SLC22A15: variants seen among roughly 807,000 people sequenced by gnomAD.
SLC22A15 encodes the protein solute carrier family 22 member 15.
SLC22A15 carries 45 observed loss-of-function variants against 62.7 expected under a neutral mutation model. That is an observed-to-expected ratio of 0.72 (90% CI 0.56 to 0.92). SLC22A15 has a LOEUF of 0.92. Ranked by LOEUF, SLC22A15 falls within the 40% of genes least tolerant of loss-of-function variation. The pLI, the probability that SLC22A15 is intolerant of heterozygous loss-of-function variation, is 0.00. For synonymous variants in SLC22A15, 264 were observed against 267.0 expected, an observed-to-expected ratio of 0.99 and a Z score of 0.11; for missense variants, 622 against 665.6, an observed-to-expected ratio of 0.93 and a Z score of 0.72.
chr1:116,023,851 A>T (rs1016670658), intron 4 of SLC22A15, among the ~76,000 whole-genome samples: 2 of 152,110 alleles, frequency 1.3e-5, no homozygotes, highest in African/African-American at 4.8e-5. Flanking sequence ...TGGGAGAAGT[A>T]TATTCTAGCT....
chr1:116,066,629 C>T lies in SLC22A15; in HGVS notation c.1475C>T (p.Thr492Ile), dbSNP rs1350751090. The T allele has an allele frequency of 6.2e-7, 1 of 1,611,900 alleles. No homozygotes were observed. Among genetic ancestry groups the T allele is most frequent in the East Asian group, 2.2e-5 (1 of 44,832 alleles). ...PETLNSPLLETFSDLQVYSYR... is the reference protein window; with the variant it reads ...PETLNSPLLEIFSDLQVYSYR... ...ACCCTTAACAGTCCGCTGCTAGAAA[C>T]ATTCTCCGACCTTCAGGTGTATTCG... Residue 492 changes from threonine (T) to isoleucine (I), a missense_variant, in exon 11 of 12, where the codon ACA becomes ATA. Transcript: ENST00000369503.
chr1:115,976,813 C>T (rs948635186), intron 1 of SLC22A15, 99 bp downstream of exon 1: 45 of 939,554 alleles, frequency 4.8e-5, no homozygotes, highest in Non-Finnish European at 6.6e-5. Flanking sequence ...GGGCCGAGGC[C>T]GAGGCTCTGC....
intron 1 of SLC22A15, among the ~76,000 whole-genome samples, chr1:115,984,604 T>G (rs906585822): frequency 6.6e-6 from 1 of 152,208 alleles, no homozygotes; most frequent in Non-Finnish European, 1.5e-5. Context: ...TTTTAGAGTG[T>G]ACTCCTTCTA....
rs1655415756 is a variant in SLC22A15, at chr1:115,996,217, A to G, written c.300+3974A>G. 1.3e-5 allele frequency among the ~76,000 whole-genome samples: 2 copies of G among 152,178 alleles called. 1 individual carries two copies. Among genetic ancestry groups the G allele is most frequent in the Non-Finnish European group, 2.9e-5 (2 of 68,020 alleles). On this transcript the variant is annotated intron_variant, in intron 2 of 11. Transcript: ENST00000369503. ...TGCAGATTCATCTAGGCTTAGTTTT[A>G]TTACTGTAGTTATATAAGCAGATTT...
In SLC22A15 at chr1:116,061,602, G is replaced by C. The variant is rs902617257; in HGVS notation, c.1172-1160G>C. Among the ~76,000 whole-genome samples, 3 of 151,808 alleles carry C rather than the reference G, an allele frequency of 2.0e-5. No individual in the cohort carries two copies. In the East Asian group the frequency reaches 5.8e-4, roughly 29 times the overall value. On this transcript the variant is annotated intron_variant, in intron 8 of 11. Coordinates refer to ENST00000369503, the MANE Select transcript of SLC22A15 (RefSeq NM_018420.3). ...GCAGGAAGTACAACAGAGTCAGTGA[G>C]AACTTTTTTGCCTCATAAGAAGTAA...
At chr1:116,050,017 G>A (rs969127430) in intron 8 of SLC22A15, among the ~76,000 whole-genome samples, 3 of 151,982 alleles carry the variant, frequency 2.0e-5, no homozygotes, top group African/African-American at 7.3e-5. Context: ...TAAGTTCATG[G>A]AAAAATACAA....
chr1:116,015,034 A>T (rs766810633), intron 2 of SLC22A15: 1 of 152,230 alleles, frequency 6.6e-6, no homozygotes, highest in Non-Finnish European at 1.5e-5. Flanking sequence ...TCCTTAGATC[A>T]CATAGTAGGT....
At chr1:116,009,385 C>T (rs1303103938) in intron 2 of SLC22A15, among the ~76,000 whole-genome samples, 1 of 147,882 alleles carries the variant, frequency 6.8e-6, no homozygotes, top group Non-Finnish European at 1.5e-5. Flanking sequence ...GGGTGCTGTT[C>T]CAAGTGCTGG....
chr1:116,032,000 T>A lies in SLC22A15; in HGVS notation c.944+419T>A, dbSNP rs920653670. ...CATCAAGCAGTTTGCTAGCACATTC[T>A]GATTGCGGTGCTCCATGCTGCATTT... On this transcript the variant is annotated intron_variant, in intron 6 of 11. Coordinates refer to ENST00000369503, the MANE Select transcript of SLC22A15 (RefSeq NM_018420.3). 3 of 1,054,164 alleles carry A rather than the reference T, an allele frequency of 2.8e-6. No homozygotes were observed. The African/African-American group carries it at 5.1e-5, about 18-fold the overall frequency. 65.3% of individuals were successfully genotyped at this position (1,054,164 alleles called of 1,614,324 possible).
At chr1:116,037,410 A>G in intron 8 of SLC22A15, 22 bp downstream of exon 8, 1 of 1,549,692 alleles carries the variant, frequency 6.5e-7, no homozygotes, top group Non-Finnish European at 8.9e-7. Flanking sequence ...AAATTTCTAC[A>G]AGGGTTTTGA....
At chr1:116,014,443 T>A (rs931986153) in intron 2 of SLC22A15, among the ~76,000 whole-genome samples, 3 of 152,222 alleles carry the variant, frequency 2.0e-5, no homozygotes, top group African/African-American at 7.2e-5. Context: ...CTCAATTTAG[T>A]GTATAAGAAC....
chr1:115,976,749 C>T (rs192008937), intron 1 of SLC22A15, 35 bp downstream of exon 1: 7 of 1,517,112 alleles, frequency 4.6e-6, no homozygotes, highest in East Asian at 2.5e-5. Context: ...GCATTTCCCT[C>T]TTCAGGGCCG....
chr1:116,045,632 C>T (rs766082070), intron 8 of SLC22A15, among the ~76,000 whole-genome samples: 31 of 146,302 alleles, frequency 2.1e-4, no homozygotes, highest in Non-Finnish European at 3.3e-4. Context: ...CCAGCTACTC[C>T]GGAGGCTGAG....
At chr1:116,002,618 A>G (rs955606693) in intron 2 of SLC22A15, among the ~76,000 whole-genome samples, 7 of 150,906 alleles carry the variant, frequency 4.6e-5, no homozygotes, top group South Asian at 2.1e-4. Context: ...GCCTTTGCCC[A>G]TGGCCAACAC....
intron 2 of SLC22A15, among the ~76,000 whole-genome samples, chr1:116,004,336 A>T (rs1262239411): frequency 6.6e-6 from 1 of 152,158 alleles, no homozygotes; most frequent in Non-Finnish European, 1.5e-5. Context: ...GGGGAGGATG[A>T]CTGCTGGAGT....
rs1409060302 is a variant in SLC22A15, at chr1:116,067,024, G to A, written c.1560G>A (p.Val520=). Residue 520 remains valine (V), a synonymous_variant, in exon 12 of 12, where the codon GTG becomes GTA. Transcript: ENST00000369503. ...TTTCTTCTTTCCTGTTTCAGTGTGT[G>A]GACAAGGAGAGCTCTTTAGGGAGTG... The part of the protein sequence containing the change: ...SLQALDPQQC[V]DKESSLGSES... 2 of 1,611,240 alleles carry A rather than the reference G, an allele frequency of 1.2e-6. No homozygotes were observed. Among genetic ancestry groups the A allele is most frequent in the Non-Finnish European group, 1.7e-6 (2 of 1,178,514 alleles).
At chr1:116,065,478 G>T (rs930586805) in intron 10 of SLC22A15, among the ~76,000 whole-genome samples, 2 of 152,162 alleles carry the variant, frequency 1.3e-5, no homozygotes, top group Non-Finnish European at 2.9e-5. Flanking sequence ...TGTCTCTGTT[G>T]CTTCCTACAA....
intron 1 of SLC22A15, among the ~76,000 whole-genome samples, chr1:115,988,594 C>T (rs759490950): frequency 6.6e-6 from 1 of 152,062 alleles, no homozygotes; most frequent in African/African-American, 2.4e-5. Context: ...AATCTCAGCT[C>T]GTTGCAACCT....
chr1:116,035,658 C>CTG (rs1180124178), intron 7 of SLC22A15, among the ~76,000 whole-genome samples: 1 of 152,116 alleles, frequency 6.6e-6, no homozygotes, highest in Admixed American at 6.5e-5. Flanking sequence ...ATTATTAGTT[C>CTG]TGTGTAGATG....
Sources: allele counts gnomAD v4.1 joint callset (sites outside exome capture counted in the v4.1 genomes callset), GRCh38; gene constraint gnomAD v4.1.1; transcripts MANE v1.5; gene names NCBI Gene and HGNC (gene_info 2026-07-23, HGNC 2026-07-21).